The following PRDM5 variants were observed in gnomAD, a reference collection of about 807,000 sequenced individuals.
The protein encoded by PRDM5 is PR domain zinc finger protein 5.
A neutral mutation model predicts 81.2 loss-of-function variants in PRDM5; 56 were observed. That is an observed-to-expected ratio of 0.69 (90% confidence interval 0.56 to 0.86). The LOEUF (loss-of-function observed/expected upper bound fraction) is 0.86, where lower values mean the gene tolerates loss of function less well. Among genes scored for constraint, PRDM5 ranks in the 40% least tolerant of loss-of-function variants. The pLI, the probability that PRDM5 is intolerant of heterozygous loss-of-function variation, is 0.00. For missense variants in PRDM5, 697 were observed against 770.1 expected (o/e 0.91, Z 1.12); for synonymous variants, 267 against 256.4 (o/e 1.04, Z -0.39).
At chr4:120,893,304 A>G (rs1764265032) in intron 2 of PRDM5, among the ~76,000 whole-genome samples, 1 of 152,044 alleles carries the variant, frequency 6.6e-6, no homozygotes, top group African/African-American at 2.4e-5. Flanking sequence ...GTCCAGCTTT[A>G]TTCCTCTCTA....
chr4:120,887,134 C>G (rs1257495879), intron 2 of PRDM5, among the ~76,000 whole-genome samples: 1 of 151,952 alleles, frequency 6.6e-6, no homozygotes, highest in African/African-American at 2.4e-5. Flanking sequence ...TTAGTGGAGA[C>G]GGGGTTTCAC....
intron 2 of PRDM5, among the ~76,000 whole-genome samples, chr4:120,856,672 C>T (rs1759914787): frequency 6.6e-6 from 1 of 152,202 alleles, no homozygotes; most frequent in Admixed American, 6.5e-5. Flanking sequence ...ATCAAAACAA[C>T]TCCAGACAGC....
intron 1 of PRDM5, among the ~76,000 whole-genome samples, chr4:120,910,230 G>A (rs11939905): frequency 0.084 from 12,766 of 152,222 alleles, 566 homozygotes; most frequent in East Asian, 0.15. Flanking sequence ...TACCGGGTCT[G>A]TTACAAAGAG....
chr4:120,882,116 C>T (rs1185362461), intron 2 of PRDM5, among the ~76,000 whole-genome samples: 1 of 152,188 alleles, frequency 6.6e-6, no homozygotes, highest in Non-Finnish European at 1.5e-5. Flanking sequence ...GGCCCTGTGA[C>T]AAGCTGCTAA....
intron 3 of PRDM5, chr4:120,839,287 A>T: frequency 1.4e-6 from 1 of 703,132 alleles, no homozygotes; most frequent in Non-Finnish European, 2.6e-6. Context: ...GTGACCAGGA[A>T]AAATGAGGTA....
chr4:120,738,603 T>TA (rs1174298249), intron 14 of PRDM5, among the ~76,000 whole-genome samples: 1 of 152,204 alleles, frequency 6.6e-6, no homozygotes, highest in African/African-American at 2.4e-5. Flanking sequence ...TATATTTTTT[T>TA]AAACTGAATT....
intron 14 of PRDM5, among the ~76,000 whole-genome samples, chr4:120,726,398 T>A (rs145969505): frequency 0.011 from 1,651 of 152,284 alleles, 99 homozygotes; most frequent in Admixed American, 0.09. Context: ...TTAGATGATT[T>A]TGTTTTGCTG....
At chr4:120,835,803 A>G (rs1015804885) in intron 3 of PRDM5, among the ~76,000 whole-genome samples, 11 of 152,156 alleles carry the variant, frequency 7.2e-5, no homozygotes, top group African/African-American at 2.4e-4. Flanking sequence ...GTAAAAGAAT[A>G]TAAGCTATAA....
At chr4:120,750,716 A>ATGCG (rs1553958100) in intron 14 of PRDM5, among the ~76,000 whole-genome samples, 3 of 140,004 alleles carry the variant, frequency 2.1e-5, no homozygotes, top group African/African-American at 5.1e-5. Flanking sequence ...ACACACACAC[A>ATGCG]CACGCGCACA....
intron 13 of PRDM5, among the ~76,000 whole-genome samples, chr4:120,775,773 A>G (rs893087047): frequency 6.1e-4 from 93 of 152,166 alleles, no homozygotes; most frequent in African/African-American, 2.2e-3. Context: ...AGAATTACTG[A>G]TATCAGAGTG....
At chr4:120,691,067 T>G (rs1202370953), downstream of PRDM5, among the ~76,000 whole-genome samples, 2 of 152,144 alleles carry the variant, frequency 1.3e-5, no homozygotes, top group African/African-American at 4.8e-5. Context: ...AATTAAATAC[T>G]ATATATTTTC....
intron 1 of PRDM5, among the ~76,000 whole-genome samples, chr4:120,686,487 C>T (rs1434957185): frequency 6.6e-6 from 1 of 152,060 alleles, no homozygotes; most frequent in Non-Finnish European, 1.5e-5. Context: ...TGATTTATAA[C>T]ATGAAGTTTA....
intron 13 of PRDM5, among the ~76,000 whole-genome samples, chr4:120,765,369 T>C (rs142368839): frequency 6.6e-6 from 1 of 152,348 alleles, no homozygotes; most frequent in East Asian, 1.9e-4. Flanking sequence ...CCCAGAGCTT[T>C]AAAAACCCAA....
chr4:120,815,779 G>A (rs1334684868), intron 7 of PRDM5, among the ~76,000 whole-genome samples: 2 of 152,110 alleles, frequency 1.3e-5, no homozygotes, highest in African/African-American at 4.8e-5. Context: ...GAGGTAAAAA[G>A]ACAAGAAGTA....
At chr4:120,749,933 T>G (rs1220951357) in intron 14 of PRDM5, among the ~76,000 whole-genome samples, 1 of 152,076 alleles carries the variant, frequency 6.6e-6, no homozygotes, top group Non-Finnish European at 1.5e-5. Context: ...GGAGCTCACC[T>G]GCCACAGCCA....
intron 2 of PRDM5, among the ~76,000 whole-genome samples, chr4:120,878,491 G>C (rs1762539829): frequency 6.6e-6 from 1 of 152,048 alleles, no homozygotes; most frequent in Non-Finnish European, 1.5e-5. Context: ...AAAATATCTA[G>C]GTAAGCTTGT....
rs1394093533 is a variant in PRDM5, at chr4:120,746,747, C to T, written c.1623+7806G>A. ...AACCACAATGAGATACCATCTCACA[C>T]CAGTTACAATGGCAATCATTAAAAA... On this transcript the variant is annotated intron_variant, in intron 14 of 15. Coordinates refer to ENST00000264808, the MANE Select transcript of PRDM5 (RefSeq NM_018699.4). 2.9e-3 allele frequency among the ~76,000 whole-genome samples: 430 copies of T among 145,970 alleles called. 5 individuals are homozygous for T. Among genetic ancestry groups the T allele is most frequent in the Middle Eastern group, 0.011 (3 of 280 alleles).
At chr4:120,747,049 G>T (rs1743205731) in intron 14 of PRDM5, among the ~76,000 whole-genome samples, 1 of 144,472 alleles carries the variant, frequency 6.9e-6, no homozygotes, top group Non-Finnish European at 1.5e-5. Context: ...GTCCAACAAT[G>T]ATAGATTGGA....
At chr4:120,811,499 G>T in intron 7 of PRDM5, 50 bp from the exon 8 acceptor site, 2 of 1,198,590 alleles carry the variant, frequency 1.7e-6, no homozygotes, top group South Asian at 1.3e-5. Context: ...CTATTAAGAG[G>T]AAAAACAAAT....
Sources: allele counts gnomAD v4.1 joint callset (sites outside exome capture counted in the v4.1 genomes callset), GRCh38; gene constraint gnomAD v4.1.1; transcripts MANE v1.5; gene names NCBI Gene and HGNC (gene_info 2026-07-23, HGNC 2026-07-21).